PATJ: variants seen among roughly 807,000 people sequenced by gnomAD.
PATJ encodes inaD-like protein.
In PATJ, 190 loss-of-function variants were observed where a neutral mutation model predicts 224.9. The ratio of observed to expected loss-of-function variants is 0.84; its 90% confidence interval spans 0.75 to 0.95. The LOEUF (loss-of-function observed/expected upper bound fraction) is 0.95. Among genes scored for constraint, PATJ ranks in the 40% least tolerant of loss-of-function variants. The pLI is 0.00. For synonymous variants in PATJ, 769 were observed against 820.3 expected (o/e 0.94, Z 1.07); for missense variants, 2,121 against 2,270.3 (o/e 0.93, Z 1.34).
chr1:61,973,593 G>A (rs1156335434), intron 27 of PATJ, among the ~76,000 whole-genome samples: 2 of 151,884 alleles, frequency 1.3e-5, no homozygotes, highest in Non-Finnish European at 2.9e-5. Flanking sequence ...ATCTGATGTG[G>A]TGCGGAGCTC....
chr1:61,839,885 G>T (rs749094564), intron 17 of PATJ, among the ~76,000 whole-genome samples: 1 of 151,864 alleles, frequency 6.6e-6, no homozygotes, highest in Non-Finnish European at 1.5e-5. Context: ...GTCTGAGAGA[G>T]ATAAAAATAG....
chr1:61,798,515 T>A (rs1315171512), intron 11 of PATJ, among the ~76,000 whole-genome samples: 3 of 152,154 alleles, frequency 2.0e-5, no homozygotes. Flanking sequence ...CAGTTTTTAA[T>A]TATCAACTTA....
intron 1 of PATJ, among the ~76,000 whole-genome samples, chr1:61,751,493 G>A (rs993422248): frequency 7.2e-5 from 11 of 151,952 alleles, no homozygotes; most frequent in African/African-American, 2.7e-4. Flanking sequence ...TTTTGTCATT[G>A]TTGCTCGTTG....
chr1:62,092,220 AT>A (rs900070482), intron 33 of PATJ, among the ~76,000 whole-genome samples: 3 of 151,446 alleles, frequency 2.0e-5, no homozygotes, highest in African/African-American at 4.8e-5. Flanking sequence ...CTCAAAAAAA[AT>A]TTTTTTTAAT....
intron 30 of PATJ, among the ~76,000 whole-genome samples, chr1:62,046,473 C>T (rs888784534): frequency 2.6e-5 from 4 of 152,120 alleles, no homozygotes; most frequent in East Asian, 1.9e-4. Flanking sequence ...CCCTCCTCTA[C>T]GGAGTCATCT....
chr1:61,743,845 C>T (rs545203891), intron 1 of PATJ, among the ~76,000 whole-genome samples: 6 of 152,172 alleles, frequency 3.9e-5, no homozygotes, highest in East Asian at 3.9e-4. Context: ...CGTTATAGCC[C>T]GAGGTGCACA....
At chr1:62,134,541 C>T (rs1019943911) in intron 41 of PATJ, among the ~76,000 whole-genome samples, 5 of 150,996 alleles carry the variant, frequency 3.3e-5, no homozygotes, top group Admixed American at 2.0e-4. Context: ...GACGGGGTTT[C>T]ACCATGTTGG....
At chr1:61,831,233 G>T (rs1226449503) in intron 16 of PATJ, among the ~76,000 whole-genome samples, 1 of 151,080 alleles carries the variant, frequency 6.6e-6, no homozygotes, top group South Asian at 2.1e-4. Flanking sequence ...AAAAACCCTG[G>T]AAGAAAACCT....
At chr1:61,907,947 A>G (rs1417645221) in intron 24 of PATJ, among the ~76,000 whole-genome samples, 1 of 152,168 alleles carries the variant, frequency 6.6e-6, no homozygotes, top group Non-Finnish European at 1.5e-5. Flanking sequence ...CTCAATTGTG[A>G]TAACAAGCAA....
intron 27 of PATJ, among the ~76,000 whole-genome samples, chr1:61,928,192 T>C (rs1399137839): frequency 6.6e-6 from 1 of 152,224 alleles, no homozygotes; most frequent in Non-Finnish European, 1.5e-5. Flanking sequence ...TTACTCAAAG[T>C]GATGTTGCTA....
chr1:61,855,433 G>A (rs1663497360), intron 17 of PATJ, among the ~76,000 whole-genome samples: 1 of 152,084 alleles, frequency 6.6e-6, no homozygotes, highest in Admixed American at 6.6e-5. Context: ...CAGGGTCTTG[G>A]TCTGTCACCA....
At chr1:61,760,515 C>T (rs1455410666) in intron 1 of PATJ, among the ~76,000 whole-genome samples, 7 of 151,828 alleles carry the variant, frequency 4.6e-5, no homozygotes, top group African/African-American at 1.2e-4. Flanking sequence ...TTTTTAATTA[C>T]GTTACATTTT....
chr1:61,760,780 T>G (rs924660055), intron 1 of PATJ, among the ~76,000 whole-genome samples: 2 of 151,672 alleles, frequency 1.3e-5, no homozygotes, highest in African/African-American at 4.8e-5. Context: ...CCACGCCTAA[T>G]TTTTGTATTT....
intron 26 of PATJ, among the ~76,000 whole-genome samples, chr1:61,923,432 A>C (rs1674625693): frequency 6.6e-6 from 1 of 152,188 alleles, no homozygotes; most frequent in East Asian, 1.9e-4. Context: ...ACTCTTTTCA[A>C]AGTTAGGAGG....
intron 25 of PATJ, among the ~76,000 whole-genome samples, chr1:61,911,813 C>T (rs1321662025): frequency 1.4e-5 from 2 of 148,028 alleles, no homozygotes; most frequent in African/African-American, 4.9e-5. Flanking sequence ...GCCTGTAAAC[C>T]CCACCAGTCT....
intron 29 of PATJ, among the ~76,000 whole-genome samples, chr1:62,035,229 G>T (rs1650149377): frequency 6.6e-6 from 1 of 152,144 alleles, no homozygotes; most frequent in Non-Finnish European, 1.5e-5. Flanking sequence ...TCTGCTCAAG[G>T]CACCTGAAAT....
At chr1:61,871,467 G>GTGTATATA (rs1557793084) in intron 20 of PATJ, among the ~76,000 whole-genome samples, 6 of 55,264 alleles carry the variant, frequency 1.1e-4, no homozygotes, top group Admixed American at 1.9e-4. Flanking sequence ...GTATATATAT[G>GTGTATATA]TATATACATA....
chr1:62,109,135 A>T (rs1302097613), intron 34 of PATJ, among the ~76,000 whole-genome samples: 1 of 152,092 alleles, frequency 6.6e-6, no homozygotes, highest in African/African-American at 2.4e-5. Context: ...GAATGGCTGA[A>T]GGAGAAGGCG....
chr1:62,123,592 C>T (rs906409448), intron 39 of PATJ, among the ~76,000 whole-genome samples: 1 of 149,306 alleles, frequency 6.7e-6, no homozygotes, highest in Non-Finnish European at 1.5e-5. Flanking sequence ...ATTCTCCTGC[C>T]TCAGCATCCC....
Sources: allele counts gnomAD v4.1 joint callset (sites outside exome capture counted in the v4.1 genomes callset), GRCh38; gene constraint gnomAD v4.1.1; transcripts MANE v1.5; gene names NCBI Gene and HGNC (gene_info 2026-07-23, HGNC 2026-07-21).